The following HNRNPA3 variants were observed in gnomAD, a reference collection of about 807,000 sequenced individuals.
HNRNPA3 encodes the protein heterogeneous nuclear ribonucleoprotein A3.
HNRNPA3 carries 3 observed loss-of-function variants against 45.8 expected under a neutral mutation model. The observed-to-expected ratio is 0.07, with a 90% CI of 0.03 to 0.17. The LOEUF is 0.17. Ranked by LOEUF, HNRNPA3 falls within the 10% of genes least tolerant of loss-of-function variation. The probability of loss-of-function intolerance (pLI) is 1.00; values close to 1 mark genes in which losing one functional copy is unlikely to be tolerated. For missense variants in HNRNPA3, 183 were observed against 480.3 expected (o/e 0.38, Z 5.79); for synonymous variants, 170 against 155.6 (o/e 1.09, Z -0.69).
chr2:177,217,048 T>C, intron 7 of HNRNPA3, 108 bp downstream of exon 7: 1 of 1,173,618 alleles, frequency 8.5e-7, no homozygotes, highest in Non-Finnish European at 1.2e-6. Context: ...GGCTAAATGG[T>C]TAAGGTGTAT....
intron 1 of HNRNPA3, among the ~76,000 whole-genome samples, chr2:177,215,164 A>G (rs1430915476): frequency 6.6e-6 from 1 of 152,056 alleles, no homozygotes; most frequent in Non-Finnish European, 1.5e-5. Context: ...GTGTAATGAC[A>G]TGATCTTGGC....
intron 6 of HNRNPA3, 28 bp downstream of exon 6, chr2:177,216,799 G>C (rs1688960470): frequency 6.2e-7 from 1 of 1,613,582 alleles, no homozygotes; most frequent in Non-Finnish European, 8.5e-7. Context: ...TAAGTACATG[G>C]ATACCTGACA....
chr2:177,216,067 C>G lies in HNRNPA3; in HGVS notation c.432C>G (p.Asp144Glu), dbSNP rs753203215. ...ATACAGAAGAATATAATTTGAGAGA[C>G]TACTTTGAAAAGTATGGCAAGATTG... Residue 144 changes from aspartate (D) to glutamate (E), a missense_variant, in exon 4 of 11, where the codon GAC becomes GAG. This residue lies in a region of HNRNPA3 where 60 missense variants were observed against 251.5 expected (regional missense o/e 0.24). Coordinates refer to ENST00000392524, the Ensembl canonical transcript of HNRNPA3. 9 of 1,559,234 alleles carry G rather than the reference C, an allele frequency of 5.8e-6. No homozygotes were observed. The East Asian group carries it at 6.7e-5, about 12-fold the overall frequency.
downstream of HNRNPA3, chr2:177,221,274 A>G (rs1689176630): frequency 2.0e-5 from 3 of 152,658 alleles, no homozygotes; most frequent in Middle Eastern, 3.2e-3. Flanking sequence ...TTCATAACTT[A>G]AACCTGGGTA....
At chr2:177,217,401 G>A (rs529204016) in intron 7 of HNRNPA3, among the ~76,000 whole-genome samples, 21 of 152,348 alleles carry the variant, frequency 1.4e-4, no homozygotes, top group African/African-American at 5.1e-4. Flanking sequence ...TCAGGAGGCT[G>A]AGGCAGAGGG....
At chr2:177,212,946 C>T (rs1688744814) in intron 1 of HNRNPA3, 75 bp downstream of exon 1, 3 of 968,808 alleles carry the variant, frequency 3.1e-6, no homozygotes, top group Admixed American at 6.7e-5. Context: ...GCGGGGAGGC[C>T]GGGTGGACCG....
chr2:177,215,566 T>C, exon 2 of HNRNPA3: 1 of 1,613,902 alleles, frequency 6.2e-7, no homozygotes, highest in Non-Finnish European at 8.5e-7. Flanking sequence ...ACCAGAGCAG[T>C]TGAGAAAACT....
Position 177,219,025 on chromosome 2 carries a change from T to C in HNRNPA3, c.962-12T>C. ...TGTAGGTAAACCACACATAAAACCT[T>C]TCTGATTTCAGGTAACTATGGTGGT... On this transcript the variant is annotated splice_polypyrimidine_tract_variant and intron_variant, in intron 8 of 10. Coordinates refer to ENST00000392524, the Ensembl canonical transcript of HNRNPA3. 2.5e-6 allele frequency: 4 copies of C among 1,612,422 alleles called. No homozygotes were observed. Among genetic ancestry groups the C allele is most frequent in the Non-Finnish European group, 3.4e-6 (4 of 1,179,672 alleles).
In HNRNPA3 at chr2:177,215,515, A is replaced by C. The variant is rs929920714; in HGVS notation, c.73-24A>C. 13 of 1,612,524 alleles carry C rather than the reference A, an allele frequency of 8.1e-6. No homozygotes were observed. In the Admixed American group the frequency reaches 1.5e-4, roughly 19 times the overall value. The stretch of plus-strand genomic sequence containing the variant: ...TAATTCATCTACTGTAAGGTAACTT[A>C]AGAGTATTGGTTCTTTCTCTCAGGG... On this transcript the variant is annotated intron_variant, in intron 1 of 10. Coordinates refer to ENST00000392524, the Ensembl canonical transcript of HNRNPA3.
chr2:177,215,878 G>A (rs766702198), exon 3 of HNRNPA3: 1 of 1,596,488 alleles, frequency 6.3e-7, no homozygotes, highest in East Asian at 2.2e-5. Flanking sequence ...TGGAACCAAA[G>A]AGAGCTGTTT....
In HNRNPA3 at chr2:177,218,585, TTAATA is replaced by T. The variant is rs751601708; in HGVS notation, c.962-445_962-441del. On this transcript the variant is annotated intron_variant, in intron 8 of 10. Transcript: ENST00000392524. Reference sequence around the variant, plus strand: ...CCAGGTTAACAAAGTACTTTGGGTCTTAATATAATATGTCACAGGTAGTTGAAGCG... The same window carrying T: ...CCAGGTTAACAAAGTACTTTGGGTCTTAATATGTCACAGGTAGTTGAAGCG... Among the ~76,000 whole-genome samples, 5 of 152,328 alleles carry T rather than the reference TTAATA, an allele frequency of 3.3e-5. No individual in the cohort carries two copies. The South Asian group carries it at 8.3e-4, about 25-fold the overall frequency.
chr2:177,216,565 G>C, exon 5 of HNRNPA3: 1 of 1,614,026 alleles, frequency 6.2e-7, no homozygotes, highest in Non-Finnish European at 8.5e-7. Flanking sequence ...TTCTAAACAA[G>C]AGATGCAGTC....
chr2:177,219,206 A>G, intron 9 of HNRNPA3, 41 bp from the exon 10 acceptor site: 1 of 1,610,532 alleles, frequency 6.2e-7, no homozygotes, highest in African/African-American at 1.3e-5. Context: ...TTAATTTAAA[A>G]AATGTGCATA....
At chr2:177,219,557 A>AAC (rs1689098701) in exon 11 of HNRNPA3, 1 of 400,662 alleles carries the variant, frequency 2.5e-6, no homozygotes, top group African/African-American at 2.0e-5. Context: ...CTGCAGCTTA[A>AAC]ACAGGAAACC....
intron 4 of HNRNPA3, 143 bp downstream of exon 4, chr2:177,216,331 A>G (rs1409446630): frequency 2.8e-6 from 2 of 721,602 alleles, no homozygotes; most frequent in Non-Finnish European, 4.6e-6. Context: ...TGCCTGTGTA[A>G]TCAGTATCCA....
In HNRNPA3 at chr2:177,215,468, A is replaced by G. The variant is rs559772502; in HGVS notation, c.73-71A>G. On this transcript the variant is annotated intron_variant, in intron 1 of 10. Transcript: ENST00000392524. ...ATGTTGATTTTATTACTTACCGTAC[A>G]TTAAAGGCTCTTCGTGCATCTTAAT... is the stretch of plus-strand genomic sequence containing the variant. 107 of 1,465,292 alleles carry G rather than the reference A, an allele frequency of 7.3e-5. No individual in the cohort carries two copies. The African/African-American group carries it at 1.2e-3, about 17-fold the overall frequency. The allele number at this position is 1,465,292 out of a possible 1,614,324, so 90.8% of individuals were successfully genotyped here.
At chr2:177,216,968 G>A in intron 7 of HNRNPA3, 28 bp downstream of exon 7, 2 of 1,458,058 alleles carry the variant, frequency 1.4e-6, no homozygotes, top group Non-Finnish European at 1.8e-6. Flanking sequence ...ATTGATGTTT[G>A]ATATTTTAAC....
chr2:177,223,342 A>G (rs1414532785), downstream of HNRNPA3: 2 of 152,030 alleles, frequency 1.3e-5, no homozygotes, highest in Non-Finnish European at 2.9e-5. Context: ...TTTTATTTAA[A>G]CAGTTCCATT....
At chr2:177,213,275 C>G (rs1037658893) in intron 1 of HNRNPA3, among the ~76,000 whole-genome samples, 1 of 152,198 alleles carries the variant, frequency 6.6e-6, no homozygotes, top group Non-Finnish European at 1.5e-5. Context: ...TGACATTGAT[C>G]CGCCGCCGCG....
Sources: gnomAD v4.1 joint callset for allele counts (sites outside exome capture counted in the v4.1 genomes callset) on GRCh38, gnomAD v4.1.1 for gene constraint, gnomAD v4.1.1 regional missense constraint, MANE v1.5 for transcripts, NCBI Gene and HGNC (gene_info 2026-07-23, HGNC 2026-07-21) for gene names.